RTL1: variants seen among roughly 807,000 people sequenced by gnomAD.
RTL1 encodes retrotransposon-like protein 1.
For missense variants in RTL1, 1,681 were observed against 1,767.5 expected (o/e 0.95, Z 0.88); for synonymous variants, 727 against 748.4 (o/e 0.97, Z 0.47).
Position 100,883,026 on chromosome 14 carries a change from G to C in RTL1, c.1763C>G (p.Ser588Cys), listed in dbSNP as rs1013425200. The C allele has an allele frequency of 1.2e-6, 2 of 1,614,166 alleles. No individual in the cohort carries two copies. The highest frequency in any genetic ancestry group is 1.7e-6 in the Non-Finnish European group (2 of 1,180,032). ...CTGAAGCTCAGAGGGCTCTGATTCAGAAAGATCATCGGATCCGTCTGAGCT... is the reference window on the plus strand; with the variant it reads ...CTGAAGCTCAGAGGGCTCTGATTCACAAAGATCATCGGATCCGTCTGAGCT... ...QPSSDGSDDL[S>C]ESEPSELQQA... Residue 588 changes from serine to cysteine, a missense_variant, in exon 4 of 4, where the codon TCT becomes TGT. Physicochemically the swap from Ser to Cys is moderately radical, Grantham distance 112. Coordinates refer to ENST00000649591, the MANE Select transcript of RTL1 (RefSeq NM_001134888.3). This position sits in a 1 kb window ranked among gnomAD's most constrained non-coding sequence, Gnocchi z 5.9.
Position 100,882,066 on chromosome 14 carries a change from C to G in RTL1, c.2723G>C (p.Arg908Pro). ...CTCAACCTCGATAGGGGAGATGTTGCGGGAGTAGAAAGCGCAGCAGGCTCT... is the reference window on the plus strand; with the variant it reads ...CTCAACCTCGATAGGGGAGATGTTGGGGGAGTAGAAAGCGCAGCAGGCTCT... ...GKRACCAFYS[R>P]NISPIEVEYS... is the part of the protein sequence containing the mutation. The change falls in exon 4 of 4, where the codon CGC becomes CCC. Residue 908 changes from arginine to proline, a missense_variant. By Grantham distance (103) the Arg-to-Pro change is moderately radical. Coordinates refer to ENST00000649591, the MANE Select transcript of RTL1 (RefSeq NM_001134888.3). 1 of 1,607,114 alleles carries G rather than the reference C, an allele frequency of 6.2e-7. No homozygotes were observed. The highest frequency in any genetic ancestry group is 8.5e-7 in the Non-Finnish European group (1 of 1,176,516).
At chr14:100,899,767 T>A (rs2140059858) in intron 2 of RTL1, among the ~76,000 whole-genome samples, 1 of 148,218 alleles carries the variant, frequency 6.7e-6, no homozygotes, top group East Asian at 2.0e-4. Context: ...GAGATCTCAA[T>A]GAGGAAATAA....
chr14:100,891,174 C>A (rs2038771645), intron 3 of RTL1, among the ~76,000 whole-genome samples: 1 of 152,040 alleles, frequency 6.6e-6, no homozygotes, highest in South Asian at 2.1e-4. Context: ...ATGTTGGAGT[C>A]CCTCCCCCCG....
At chr14:100,887,699 G>A (rs1476758457) in intron 3 of RTL1, among the ~76,000 whole-genome samples, 3 of 151,880 alleles carry the variant, frequency 2.0e-5, no homozygotes, top group Non-Finnish European at 2.9e-5. Context: ...GCAGTGAGCC[G>A]AGATTGCGCC....
At chr14:100,897,983 C>T (rs759198456) in intron 2 of RTL1, 1 of 514,472 alleles carries the variant, frequency 1.9e-6, no homozygotes, top group South Asian at 1.4e-5. Context: ...CTGCACAAAA[C>T]ACTGAGGTCC....
In RTL1 at chr14:100,882,067, G is replaced by C; in HGVS notation, c.2722C>G (p.Arg908Gly). The C allele has an allele frequency of 6.2e-7, 1 of 1,607,030 alleles. No individual in the cohort carries two copies. The change falls in exon 4 of 4, where the codon CGC becomes GGC. Residue 908 changes from arginine to glycine, a missense_variant. Coordinates refer to ENST00000649591, the MANE Select transcript of RTL1 (RefSeq NM_001134888.3). ...GKRACCAFYS[R>G]NISPIEVEYS... ...TCAACCTCGATAGGGGAGATGTTGCGGGAGTAGAAAGCGCAGCAGGCTCTC... is the reference window on the plus strand; with the variant it reads ...TCAACCTCGATAGGGGAGATGTTGCCGGAGTAGAAAGCGCAGCAGGCTCTC...
Position 100,884,861 on chromosome 14 carries a change from G to C in RTL1, c.-73C>G. 2 of 1,395,090 alleles carry C rather than the reference G, an allele frequency of 1.4e-6. No homozygotes were observed. The highest frequency in any genetic ancestry group is 1.9e-6 in the Non-Finnish European group (2 of 1,032,310). The allele number at this position is 1,395,090 out of a possible 1,614,324, so 86.4% of individuals were successfully genotyped here. ...TGGCGTCCAGTCAGTAGCTGGGACC[G>C]TGGAGATCAGAACCTGGTGGTGGAA... On this transcript the variant is annotated 5_prime_UTR_variant, in exon 4 of 4. Coordinates refer to ENST00000649591, the MANE Select transcript of RTL1 (RefSeq NM_001134888.3).
intron 2 of RTL1, among the ~76,000 whole-genome samples, chr14:100,896,856 G>C (rs535237838): frequency 2.0e-5 from 3 of 152,286 alleles, no homozygotes; most frequent in African/African-American, 4.8e-5. Flanking sequence ...GCGAGCCGCC[G>C]GGCCGCAGCT....
At position 100,879,824 on chromosome 14, in the gene RTL1, G is replaced by A. The variant is rs981431341; in HGVS notation, c.*888C>T. The stretch of plus-strand genomic sequence containing the variant: ...GAGAAAGCTCGGGGGGTGGGGAAGG[G>A]TCTACTCCCCTTGCAAAGCGGTGGT... On this transcript the variant is annotated 3_prime_UTR_variant, in exon 4 of 4. Coordinates refer to ENST00000649591, the MANE Select transcript of RTL1 (RefSeq NM_001134888.3). Among the ~76,000 whole-genome samples, 1 of 151,996 alleles carries A rather than the reference G, an allele frequency of 6.6e-6. No homozygotes were observed. The highest frequency in any genetic ancestry group is 1.5e-5 in the Non-Finnish European group (1 of 67,980).
At chr14:100,897,771 TGG>T (rs1566760912) in intron 2 of RTL1, 2 of 23,714 alleles carry the variant, frequency 8.4e-5, no homozygotes, top group Non-Finnish European at 1.6e-4. Flanking sequence ...GGTGGGGGGG[TGG>T]GGGGCGGGGG....
intron 2 of RTL1, among the ~76,000 whole-genome samples, chr14:100,898,261 T>A (rs2038896514): frequency 1.3e-5 from 2 of 152,132 alleles, no homozygotes; most frequent in African/African-American, 4.8e-5. Context: ...AAATCGAGGT[T>A]TTAATTAATA....
chr14:100,897,677 G>T (rs1026186651), intron 2 of RTL1: 9 of 188,884 alleles, frequency 4.8e-5, no homozygotes, highest in Admixed American at 1.2e-4. Flanking sequence ...AGTATCCTGC[G>T]AGCTGTACAC....
intron 2 of RTL1, among the ~76,000 whole-genome samples, chr14:100,896,644 TG>T (rs2038860202): frequency 1.0e-5 from 1 of 96,330 alleles, no homozygotes; most frequent in Admixed American, 1.3e-4. Flanking sequence ...CCTCTGGATG[TG>T]GGGGTGGGCT....
Position 100,880,595 on chromosome 14 carries a change from GT to G in RTL1, c.*116del, listed in dbSNP as rs1224603681. 3 of 1,491,246 alleles carry G rather than the reference GT, an allele frequency of 2.0e-6. No individual in the cohort carries two copies. In the Admixed American group the frequency reaches 6.7e-5, roughly 33 times the overall value. 92.4% of individuals were successfully genotyped at this position (1,491,246 alleles called of 1,614,324 possible). Reference sequence around the variant, plus strand: ...CCCTTCACAAGTGGGTTCCTCTTGGGTCAGGAGTGGCAGGAAGGGAAGCGAA... The same window carrying G: ...CCCTTCACAAGTGGGTTCCTCTTGGGCAGGAGTGGCAGGAAGGGAAGCGAA... On this transcript the variant is annotated 3_prime_UTR_variant, in exon 4 of 4. Coordinates refer to ENST00000649591, the MANE Select transcript of RTL1 (RefSeq NM_001134888.3).
At chr14:100,894,309 C>CAAAAAAAAAA (rs562868034) in intron 2 of RTL1, among the ~76,000 whole-genome samples, 6 of 72,382 alleles carry the variant, frequency 8.3e-5, no homozygotes, top group East Asian at 4.2e-4. Context: ...AACTCCGTCT[C>CAAAAAAAAAA]AAAAAAAAAA....
chr14:100,880,720 G>A lies in RTL1; in HGVS notation c.4069C>T (p.Leu1357Phe). ...ELPDEDEDAN[L>F]D ...GAGACAGGGAGGCGTCTTCAGTCGA[G>A]GTTAGCATCTTCGTCCTCATCAGGC... Residue 1357 changes from leucine (L) to phenylalanine (F), a missense_variant, in exon 4 of 4, where the codon CTC (leucine) becomes TTC (phenylalanine). Leu to Phe is a conservative substitution (Grantham distance 22). Transcript: ENST00000649591. The A allele has an allele frequency of 6.4e-7, 1 of 1,550,902 alleles. No homozygotes were observed.
rs766477281 is a variant in RTL1, at chr14:100,880,793, G to A, written c.3996C>T (p.Ile1332=). The A allele has an allele frequency of 2.5e-5, 38 of 1,550,490 alleles. No individual in the cohort carries two copies. Among genetic ancestry groups the A allele is most frequent in the Non-Finnish European group, 3.1e-5 (36 of 1,146,942 alleles). ...LTLIYRRALP[I]PAWESQPREQ... is the part of the protein sequence containing the mutation. Reference sequence around the variant, plus strand: ...CCCTGGGCTGGCTCTCCCAGGCGGGGATGGGCAGGGCCCGCCTGTAGATCA... The same window carrying A: ...CCCTGGGCTGGCTCTCCCAGGCGGGAATGGGCAGGGCCCGCCTGTAGATCA... The change falls in exon 4 of 4, where the codon ATC becomes ATT. Residue 1332 remains isoleucine (I), a synonymous_variant. Transcript: ENST00000649591.
At position 100,882,846 on chromosome 14, in the gene RTL1, T is replaced by G. The variant is rs1229519493; in HGVS notation, c.1943A>C (p.Gln648Pro). The change falls in exon 4 of 4, where the codon CAG (glutamine) becomes CCG (proline). Residue 648 changes from glutamine (Q) to proline (P), a missense_variant. By Grantham distance (76) the Gln-to-Pro change is moderately conservative. Coordinates refer to ENST00000649591, the MANE Select transcript of RTL1 (RefSeq NM_001134888.3). ...DMLTNRQDYI[Q>P]MIPELFDQLH... ...CTGGTCAAACAGTTCCGGAATCATC[T>G]GTATGTAGTCCTGTCTGTTGGTCAG... 1.3e-6 allele frequency: 2 copies of G among 1,555,294 alleles called. No homozygotes were observed. Among genetic ancestry groups the G allele is most frequent in the Non-Finnish European group, 8.7e-7 (1 of 1,148,318 alleles).
At chr14:100,895,517 C>T (rs370377028) in intron 2 of RTL1, among the ~76,000 whole-genome samples, 5 of 152,084 alleles carry the variant, frequency 3.3e-5, no homozygotes, top group African/African-American at 4.8e-5. Context: ...GTGGATCTGC[C>T]GCCGAATGGC....
Sources: gnomAD v4.1 joint callset for allele counts (sites outside exome capture counted in the v4.1 genomes callset) on GRCh38, gnomAD v4.1.1 for gene constraint, Gnocchi (gnomAD v3.1) non-coding constraint, MANE v1.5 for transcripts, NCBI Gene and HGNC (gene_info 2026-07-23, HGNC 2026-07-21) for gene names.